HSPBAP1: variants seen among roughly 807,000 people sequenced by gnomAD.
HSPBAP1 encodes HSPB1 associated protein 1.
A neutral mutation model predicts 45.2 loss-of-function variants in HSPBAP1; 27 were observed. That is an observed-to-expected ratio of 0.60 (90% CI 0.44 to 0.82). The LOEUF (loss-of-function observed/expected upper bound fraction) is 0.82, where lower values mean the gene tolerates loss of function less well. Among genes scored for constraint, HSPBAP1 ranks in the 40% least tolerant of loss-of-function variants. The pLI is 0.00. For missense variants in HSPBAP1, 510 were observed against 590.9 expected (o/e 0.86, Z 1.42); for synonymous variants, 204 against 202.7 (o/e 1.01, Z -0.06).
chr3:122,740,518 T>C lies in HSPBAP1; in HGVS notation c.1294A>G (p.Lys432Glu). Residue 432 changes from lysine to glutamate, a missense_variant, in exon 8 of 8, where the codon AAG (lysine) becomes GAG (glutamate). Coordinates refer to ENST00000306103, the MANE Select transcript of HSPBAP1 (RefSeq NM_024610.6). ...CTGTTGCTCATTATTTGTTGTCTCTTGGCACAATGCAATTTTCCAAAGTGT... is the reference window on the plus strand; with the variant it reads ...CTGTTGCTCATTATTTGTTGTCTCTCGGCACAATGCAATTTTCCAAAGTGT... ...GEHFGKLHCAKRQQIMSNSEN... is the reference protein window; with the variant it reads ...GEHFGKLHCAERQQIMSNSEN... 6.2e-7 allele frequency: 1 copy of C among 1,614,250 alleles called. No individual in the cohort carries two copies. The highest frequency in any genetic ancestry group is 2.2e-5 in the East Asian group (1 of 44,884).
intron 5 of HSPBAP1, chr3:122,753,399 T>A: frequency 1.0e-6 from 1 of 971,730 alleles, no homozygotes; most frequent in African/African-American, 1.8e-5. Flanking sequence ...AGAATCTAGA[T>A]TTTATCTGGT....
chr3:122,780,664 ACCTCCCTCCC>A, intron 1 of HSPBAP1, among the ~76,000 whole-genome samples: 1 of 135,842 alleles, frequency 7.4e-6, no homozygotes, highest in African/African-American at 2.8e-5. Context: ...TGACCCCCCC[ACCTCCCTCCC>A]GGACGGGGTG....
chr3:122,783,831 TTC>T (rs1935568473), intron 1 of HSPBAP1, among the ~76,000 whole-genome samples: 1 of 111,788 alleles, frequency 8.9e-6, no homozygotes, highest in Non-Finnish European at 2.2e-5. Flanking sequence ...GAGGGCAACT[TTC>T]TTTTTTTTTT....
At chr3:122,778,241 G>C (rs1349245763) in intron 1 of HSPBAP1, among the ~76,000 whole-genome samples, 1 of 146,318 alleles carries the variant, frequency 6.8e-6, no homozygotes, top group Non-Finnish European at 1.5e-5. Flanking sequence ...AATGTGTATA[G>C]TGTTTTCCAA....
intron 1 of HSPBAP1, among the ~76,000 whole-genome samples, chr3:122,779,034 C>CTT (rs201429620): frequency 7.6e-4 from 113 of 147,816 alleles, no homozygotes; most frequent in African/African-American, 2.1e-3. Flanking sequence ...CATTTTCTTT[C>CTT]TTTTTCTTTT....
In HSPBAP1 at chr3:122,792,902, AAAAG is replaced by A. The variant is rs201406039; in HGVS notation, c.64+711_64+714del. Among the ~76,000 whole-genome samples, 937 of 152,102 alleles carry A rather than the reference AAAAG, an allele frequency of 6.2e-3. 8 individuals carry two copies. The highest frequency in any genetic ancestry group is 0.021 in the African/African-American group (891 of 41,502). On this transcript the variant is annotated intron_variant, in intron 1 of 7. Transcript: ENST00000306103. ...GAAAAAAAAAAAAAGAGAGAAAAGA[AAAAG>A]AAAGGCCGACCTCAAACTATTCGCT...
chr3:122,742,912 A>G (rs540247665), intron 6 of HSPBAP1, among the ~76,000 whole-genome samples: 2 of 152,324 alleles, frequency 1.3e-5, no homozygotes, highest in Non-Finnish European at 2.9e-5. Context: ...CTATCTATGT[A>G]TTTATAGATA....
rs1261689078 is a variant in HSPBAP1 at position 122,740,578 on chromosome 3, T to C, written c.1234A>G (p.Ser412Gly). Residue 412 changes from serine (S) to glycine (G), a missense_variant, in exon 8 of 8, where the codon AGT becomes GGT. By Grantham distance (56) the Ser-to-Gly change is moderately conservative (BLOSUM62 0). Transcript: ENST00000306103. ...PPSERGGIFG[S>G]DGKDFVDKDG... ...TTGTCCACAAAGTCTTTCCCATCAC[T>C]TCCAAATATGCCTCCTCTTTCTGAA... 3.7e-6 allele frequency: 6 copies of C among 1,614,132 alleles called. No individual in the cohort carries two copies. Among genetic ancestry groups the C allele is most frequent in the Non-Finnish European group, 5.1e-6 (6 of 1,180,056 alleles).
At chr3:122,760,982 C>A (rs1471535089) in intron 3 of HSPBAP1, among the ~76,000 whole-genome samples, 3 of 152,210 alleles carry the variant, frequency 2.0e-5, no homozygotes, top group South Asian at 2.1e-4. Context: ...ATAAACAGAG[C>A]CTTTCAATAT....
chr3:122,750,993 A>G (rs1389684959), intron 6 of HSPBAP1, among the ~76,000 whole-genome samples: 1 of 152,246 alleles, frequency 6.6e-6, no homozygotes, highest in Admixed American at 6.5e-5. Context: ...CCTGCCTGAC[A>G]GCAGATCATG....
intron 6 of HSPBAP1, among the ~76,000 whole-genome samples, chr3:122,743,817 A>T (rs1489123240): frequency 6.6e-6 from 1 of 152,168 alleles, no homozygotes; most frequent in African/African-American, 2.4e-5. Flanking sequence ...CAGACAGGAA[A>T]GGGATTGGGA....
intron 6 of HSPBAP1, among the ~76,000 whole-genome samples, chr3:122,748,927 T>C (rs1934026415): frequency 6.6e-6 from 1 of 152,198 alleles, no homozygotes; most frequent in Non-Finnish European, 1.5e-5. Flanking sequence ...AATATTTCTC[T>C]GTACTATTAT....
intron 3 of HSPBAP1, among the ~76,000 whole-genome samples, chr3:122,765,239 CCTT>C (rs1934735239): frequency 6.6e-6 from 1 of 152,018 alleles, no homozygotes; most frequent in Admixed American, 6.6e-5. Flanking sequence ...AAATATTTAT[CCTT>C]CGTAAGTTTT....
intron 2 of HSPBAP1, among the ~76,000 whole-genome samples, chr3:122,770,142 C>T (rs528590276): frequency 1.4e-3 from 216 of 152,200 alleles, no homozygotes; most frequent in Non-Finnish European, 2.6e-3. Flanking sequence ...TAGAATTATC[C>T]AATAATCTTT....
intron 6 of HSPBAP1, among the ~76,000 whole-genome samples, chr3:122,744,370 GT>G (rs1252953074): frequency 1.3e-5 from 2 of 152,196 alleles, no homozygotes. Context: ...GTTAACTTGA[GT>G]TATATAAGTA....
intron 1 of HSPBAP1, among the ~76,000 whole-genome samples, chr3:122,784,718 G>A (rs1172313204): frequency 6.6e-6 from 1 of 152,216 alleles, no homozygotes; most frequent in African/African-American, 2.4e-5. Context: ...CAGAGATGTG[G>A]GGTGGGAGTC....
At chr3:122,752,517 G>T in intron 6 of HSPBAP1, 74 bp downstream of exon 6, 2 of 892,152 alleles carry the variant, frequency 2.2e-6, no homozygotes, top group Non-Finnish European at 1.7e-6. Context: ...CAGTTGTACA[G>T]CCAGACCTTA....
At chr3:122,775,615 A>C (rs1169138808) in intron 2 of HSPBAP1, among the ~76,000 whole-genome samples, 5 of 152,210 alleles carry the variant, frequency 3.3e-5, no homozygotes, top group Admixed American at 2.6e-4. Context: ...CGTCCGGCCT[A>C]GAATAGCTAT....
intron 4 of HSPBAP1, among the ~76,000 whole-genome samples, chr3:122,755,968 A>G (rs1934341992): frequency 6.6e-6 from 1 of 152,196 alleles, no homozygotes; most frequent in Non-Finnish European, 1.5e-5. Context: ...CCACATAAAT[A>G]AAGCAGTATA....
Sources: gnomAD v4.1 joint callset for allele counts (sites outside exome capture counted in the v4.1 genomes callset) on GRCh38, gnomAD v4.1.1 for gene constraint, MANE v1.5 for transcripts, NCBI Gene and HGNC (gene_info 2026-07-23, HGNC 2026-07-21) for gene names.